AVPR1B: variants seen among roughly 807,000 people sequenced by gnomAD.
AVPR1B encodes the protein arginine vasopressin receptor 1B.
Under a neutral mutation model 27.5 loss-of-function variants are expected in AVPR1B, and 25 were observed. That is an observed-to-expected ratio of 0.91 (90% CI 0.66 to 1.27). The LOEUF (loss-of-function observed/expected upper bound fraction) is 1.27. Ranked by LOEUF, AVPR1B falls within the 50% of genes most tolerant of loss-of-function variation. The pLI is 0.00. For missense variants in AVPR1B, 595 were observed against 556.9 expected, an observed-to-expected ratio of 1.07 and a Z score of -0.69; for synonymous variants, 248 against 240.2, an observed-to-expected ratio of 1.03 and a Z score of -0.30.
At position 206,107,255 on chromosome 1, in the gene AVPR1B, C is replaced by T. The variant is rs1053572194; in HGVS notation, c.*2934G>A. ...GTCACAGGATGGCATAAACAATTTA[C>T]ACAAGTGCCCAGCCAGAGACGGCAT... is the stretch of plus-strand genomic sequence containing the variant. On this transcript the variant is annotated 3_prime_UTR_variant, in exon 2 of 2. Coordinates refer to ENST00000367126, the MANE Select transcript of AVPR1B (RefSeq NM_000707.5). Among the ~76,000 whole-genome samples, 3 of 152,190 alleles carry T rather than the reference C, an allele frequency of 2.0e-5. No homozygotes were observed. The highest frequency in any genetic ancestry group is 6.5e-5 in the Admixed American group (1 of 15,288).
At chr1:206,110,788 A>C (rs1276279792) in intron 1 of AVPR1B, among the ~76,000 whole-genome samples, 2 of 152,164 alleles carry the variant, frequency 1.3e-5, no homozygotes, top group African/African-American at 4.8e-5. Flanking sequence ...GGTTTCCTTC[A>C]AGTTTAATTG....
chr1:206,116,554 G>C lies in AVPR1B; in HGVS notation c.337C>G (p.Leu113Val), dbSNP rs141833733. 123 of 1,614,082 alleles carry C rather than the reference G, an allele frequency of 7.6e-5. 1 individual carries two copies. Among genetic ancestry groups the C allele is most frequent in the Admixed American group, 3.5e-4 (21 of 60,014 alleles). Residue 113 changes from leucine (L) to valine (V), a missense_variant, in exon 1 of 2, where the codon CTG (leucine) becomes GTG (valine). Physicochemically the swap from Leu to Val is conservative, Grantham distance 32. Transcript: ENST00000367126. Reference sequence around the variant, plus strand: ...GAGGCAAACATGCTGAGCACCTGCAGGTACTTGACGGCCCTGCACAGGAGG... The same window carrying C: ...GAGGCAAACATGCTGAGCACCTGCACGTACTTGACGGCCCTGCACAGGAGG... ...PDLLCRAVKY[L>V]QVLSMFASTY... is the part of the protein sequence containing the mutation.
chr1:206,110,194 AG>A lies in AVPR1B; in HGVS notation c.1269del (p.Ter425ArgfsTer35), dbSNP rs782705986. On this transcript the variant is annotated frameshift_variant, in exon 2 of 2. Coordinates refer to ENST00000367126, the MANE Select transcript of AVPR1B (RefSeq NM_000707.5). LOFTEE classifies it high-confidence loss of function. ...CAGACCCCAGCGAGTCTTTCCTAAA[AG>A]ATGATGGTCTCAGCGGTGCCTTCCC... The part of the protein sequence containing the change: ...ADGEGTAETI[I>X]F 3 of 1,603,138 alleles carry A rather than the reference AG, an allele frequency of 1.9e-6. No individual in the cohort carries two copies. Among genetic ancestry groups the A allele is most frequent in the South Asian group, 1.1e-5 (1 of 90,632 alleles).
At position 206,107,802 on chromosome 1, in the gene AVPR1B, CT is replaced by C. The variant is rs2102335428; in HGVS notation, c.*2386del. ...TTTGGGTCAGGACCCTGGAGGTCAT[CT>C]ACCAGATGCAATCTGGAGCCAGGCC... On this transcript the variant is annotated 3_prime_UTR_variant, in exon 2 of 2. Coordinates refer to ENST00000367126, the MANE Select transcript of AVPR1B (RefSeq NM_000707.5). 6.6e-6 allele frequency among the ~76,000 whole-genome samples: 1 copy of C among 152,380 alleles called. No homozygotes were observed. Among genetic ancestry groups the C allele is most frequent in the Non-Finnish European group, 1.5e-5 (1 of 68,048 alleles).
intron 1 of AVPR1B, 147 bp from the exon 2 acceptor site, chr1:206,110,670 C>T (rs1663362167): frequency 4.3e-6 from 3 of 691,614 alleles, no homozygotes; most frequent in Admixed American, 6.0e-5. Context: ...ATTAGAGAGA[C>T]ACACACAGCT....
At position 206,116,564 on chromosome 1, in the gene AVPR1B, G is replaced by C; in HGVS notation, c.327C>G (p.Ala109=). The part of the protein sequence containing the change: ...RFQGPDLLCR[A]VKYLQVLSMF... ...TGCTGAGCACCTGCAGGTACTTGAC[G>C]GCCCTGCACAGGAGGTCGGGGCCCT... Residue 109 remains alanine (A), a synonymous_variant, in exon 1 of 2, where the codon GCC becomes GCG. Coordinates refer to ENST00000367126, the MANE Select transcript of AVPR1B (RefSeq NM_000707.5). 6.2e-7 allele frequency: 1 copy of C among 1,614,162 alleles called. No individual in the cohort carries two copies. Among genetic ancestry groups the C allele is most frequent in the Non-Finnish European group, 8.5e-7 (1 of 1,180,032 alleles).
intron 1 of AVPR1B, 41 bp from the exon 2 acceptor site, chr1:206,110,564 C>T (rs782282005): frequency 6.5e-7 from 1 of 1,537,212 alleles, no homozygotes; most frequent in South Asian, 1.2e-5. Context: ...AATGGCAGCT[C>T]GAAGGGACCT....
In AVPR1B at chr1:206,116,715, A is replaced by G. The variant is rs782480657; in HGVS notation, c.176T>C (p.Leu59Pro). 7.5e-6 allele frequency: 12 copies of G among 1,609,308 alleles called. No individual in the cohort carries two copies. The highest frequency in any genetic ancestry group is 6.7e-5 in the Admixed American group (4 of 59,632). The part of the protein sequence containing the change: ...TGGNLAVLLT[L>P]GQLGRKRSRM... ...GGAGCGCTTGCGGCCCAGCTGGCCC[A>G]GGGTCAGCAGCACAGCCAGGTTGCC... Residue 59 changes from leucine to proline, a missense_variant, in exon 1 of 2, where the codon CTG becomes CCG. Physicochemically the swap from Leu to Pro is moderately conservative, Grantham distance 98. Coordinates refer to ENST00000367126, the MANE Select transcript of AVPR1B (RefSeq NM_000707.5).
At position 206,116,624 on chromosome 1, in the gene AVPR1B, C is replaced by A. The variant is rs1553290593; in HGVS notation, c.267G>T (p.Leu89=). 6 of 1,613,998 alleles carry A rather than the reference C, an allele frequency of 3.7e-6. No homozygotes were observed. Among genetic ancestry groups the A allele is most frequent in the Middle Eastern group, 3.3e-4 (2 of 6,062 alleles). The part of the protein sequence containing the change: ...TDLAVALFQV[L]PQLLWDITYR... ...AGGTGATGTCCCACAGCAGCTGTGGCAGCACCTGGAAGAGCGCCACGGCCA... is the reference window on the plus strand; with the variant it reads ...AGGTGATGTCCCACAGCAGCTGTGGAAGCACCTGGAAGAGCGCCACGGCCA... The change falls in exon 1 of 2, where the codon CTG becomes CTT. Residue 89 remains leucine (L), a synonymous_variant. Coordinates refer to ENST00000367126, the MANE Select transcript of AVPR1B (RefSeq NM_000707.5).
intron 1 of AVPR1B, among the ~76,000 whole-genome samples, chr1:206,111,353 TAA>T (rs1663373458): frequency 6.6e-6 from 1 of 152,328 alleles, no homozygotes; most frequent in South Asian, 2.1e-4. Context: ...ATATTCTTTC[TAA>T]AGACTAAATG....
rs184284607 is a variant in AVPR1B at position 206,110,333 on chromosome 1, G to T, written c.1131C>A (p.Thr377=). 2 of 1,612,468 alleles carry T rather than the reference G, an allele frequency of 1.2e-6. No homozygotes were observed. The highest frequency in any genetic ancestry group is 3.3e-5 in the Admixed American group (2 of 59,898). The part of the protein sequence containing the change: ...LSDGSLSSRH[T]TLLTRSSCPA... Reference sequence around the variant, plus strand: ...GGCAGCTGGAGCGGGTCAGCAGCGTGGTGTGGCGGCTCGAGAGGCTGCCGT... The same window carrying T: ...GGCAGCTGGAGCGGGTCAGCAGCGTTGTGTGGCGGCTCGAGAGGCTGCCGT... Residue 377 remains threonine, a synonymous_variant, in exon 2 of 2, where the codon ACC becomes ACA. Coordinates refer to ENST00000367126, the MANE Select transcript of AVPR1B (RefSeq NM_000707.5).
rs150659663 is a variant in AVPR1B at position 206,116,258 on chromosome 1, C to T, written c.633G>A (p.Pro211=). Residue 211 remains proline (P), a synonymous_variant, in exon 1 of 2, where the codon CCG becomes CCA. Transcript: ENST00000367126. The stretch of plus-strand genomic sequence containing the variant: ...TGTAGCAGGCCGTGAGCATGGTCAC[C>T]GGCAGAACGAAGATAGCCAGGGTGG... ...TWTTLAIFVL[P]VTMLTACYSL... 71 of 1,613,526 alleles carry T rather than the reference C, an allele frequency of 4.4e-5. No homozygotes were observed. The highest frequency in any genetic ancestry group is 6.7e-5 in the Admixed American group (4 of 60,004).
Position 206,110,139 on chromosome 1 carries a change from G to C in AVPR1B, c.*50C>G. Reference sequence around the variant, plus strand: ...TCATTTCCAGTGCCCGAGGTGGGCAGAGAACCTCCACTAGTCCTGGGGGCA... The same window carrying C: ...TCATTTCCAGTGCCCGAGGTGGGCACAGAACCTCCACTAGTCCTGGGGGCA... On this transcript the variant is annotated 3_prime_UTR_variant, in exon 2 of 2. Coordinates refer to ENST00000367126, the MANE Select transcript of AVPR1B (RefSeq NM_000707.5). 6 of 1,537,594 alleles carry C rather than the reference G, an allele frequency of 3.9e-6. No individual in the cohort carries two copies. The highest frequency in any genetic ancestry group is 5.3e-6 in the Non-Finnish European group (6 of 1,139,148).
chr1:206,112,171 G>C (rs1251718263), intron 1 of AVPR1B, among the ~76,000 whole-genome samples: 36 of 151,968 alleles, frequency 2.4e-4, no homozygotes, highest in Admixed American at 2.4e-3. Flanking sequence ...CTCCAGCCTG[G>C]GTGACAAGAG....
At chr1:206,113,576 C>A (rs1020349759) in intron 1 of AVPR1B, among the ~76,000 whole-genome samples, 1 of 152,134 alleles carries the variant, frequency 6.6e-6, no homozygotes, top group Non-Finnish European at 1.5e-5. Flanking sequence ...TGTTGAGGGA[C>A]AGGTTGATGA....
intron 1 of AVPR1B, among the ~76,000 whole-genome samples, chr1:206,111,519 A>G (rs1016113182): frequency 6.6e-6 from 1 of 152,200 alleles, no homozygotes. Context: ...AACTGGAAGG[A>G]ACCTTAGAAG....
rs1663295884 is a variant in AVPR1B, at chr1:206,107,357, C to T, written c.*2832G>A. On this transcript the variant is annotated 3_prime_UTR_variant, in exon 2 of 2. Transcript: ENST00000367126. ...GCACAGAGCCTCCTTCTTGCTTCCA[C>T]AGGGCCCCTCCTCCTTGAACCCTAT... Among the ~76,000 whole-genome samples, 1 of 152,166 alleles carries T rather than the reference C, an allele frequency of 6.6e-6. No homozygotes were observed. Among genetic ancestry groups the T allele is most frequent in the Non-Finnish European group, 1.5e-5 (1 of 68,028 alleles).
At position 206,116,452 on chromosome 1, in the gene AVPR1B, C is replaced by T; in HGVS notation, c.439G>A (p.Gly147Ser). ...CHPLRSLQQP[G>S]QSTYLLIAAP... ...GCGATGAGCAGGTAGGTGGACTGGC[C>T]TGGCTGCTGGAGGCTGCGCAGGGGG... is the stretch of plus-strand genomic sequence containing the variant. Residue 147 changes from glycine to serine, a missense_variant, in exon 1 of 2, where the codon GGC becomes AGC. Coordinates refer to ENST00000367126, the MANE Select transcript of AVPR1B (RefSeq NM_000707.5). 2.5e-6 allele frequency: 4 copies of T among 1,613,912 alleles called. No individual in the cohort carries two copies. Among genetic ancestry groups the T allele is most frequent in the Non-Finnish European group, 3.4e-6 (4 of 1,180,028 alleles).
At chr1:206,114,129 T>G (rs932132464) in intron 1 of AVPR1B, among the ~76,000 whole-genome samples, 23 of 152,174 alleles carry the variant, frequency 1.5e-4, no homozygotes, top group Non-Finnish European at 8.8e-5. Flanking sequence ...CTCTCCTCTA[T>G]TTCATCTCTC....
Sources: allele counts gnomAD v4.1 joint callset (sites outside exome capture counted in the v4.1 genomes callset), GRCh38; gene constraint gnomAD v4.1.1; transcripts MANE v1.5; gene names NCBI Gene and HGNC (gene_info 2026-07-23, HGNC 2026-07-21).